The following WDR49 variants were observed in gnomAD, a reference collection of about 807,000 sequenced individuals.
WDR49 encodes cilia- and flagella-associated protein 337.
A neutral mutation model predicts 119.5 loss-of-function variants in WDR49; 107 were observed. The observed-to-expected ratio is 0.90, with a 90% CI of 0.77 to 1.05. The LOEUF (loss-of-function observed/expected upper bound fraction) is 1.05, where lower values mean the gene tolerates loss of function less well. WDR49 is among the 50% of genes least tolerant of loss of function. The probability of loss-of-function intolerance (pLI) is 0.00; values close to 1 mark genes in which losing one functional copy is unlikely to be tolerated. For synonymous variants in WDR49, 425 were observed against 418.8 expected (o/e 1.01, Z -0.18); for missense variants, 1,240 against 1,220.5 (o/e 1.02, Z -0.24).
At chr3:167,487,926 G>A (rs1750987457) in intron 18 of WDR49, among the ~76,000 whole-genome samples, 1 of 152,072 alleles carries the variant, frequency 6.6e-6, no homozygotes, top group Non-Finnish European at 1.5e-5. Context: ...CCATTGGTAG[G>A]AAGGTAAATT....
At chr3:167,568,885 C>T (rs565594642) in intron 8 of WDR49, among the ~76,000 whole-genome samples, 1 of 152,094 alleles carries the variant, frequency 6.6e-6, no homozygotes, top group African/African-American at 2.4e-5. Flanking sequence ...GAGCTCACCA[C>T]AACAGCAACA....
At chr3:167,535,230 T>C (rs1752979587) in intron 11 of WDR49, among the ~76,000 whole-genome samples, 1 of 152,088 alleles carries the variant, frequency 6.6e-6, no homozygotes, top group South Asian at 2.1e-4. Context: ...GAAATAAGGA[T>C]AAAGAAGAGC....
chr3:167,582,417 AC>A (rs962124210), intron 7 of WDR49, among the ~76,000 whole-genome samples: 10 of 152,134 alleles, frequency 6.6e-5, no homozygotes, highest in Admixed American at 3.3e-4. Flanking sequence ...CTAAAATCAA[AC>A]TTAAAATACT....
intron 18 of WDR49, among the ~76,000 whole-genome samples, chr3:167,488,484 G>A (rs1016255298): frequency 6.6e-6 from 1 of 152,028 alleles, no homozygotes; most frequent in Middle Eastern, 3.4e-3. Flanking sequence ...TACCAAACCT[G>A]CACATGTGTT....
intron 7 of WDR49, among the ~76,000 whole-genome samples, chr3:167,579,242 G>A (rs947685249): frequency 6.6e-6 from 1 of 151,992 alleles, no homozygotes; most frequent in African/African-American, 2.4e-5. Context: ...TACAGACATA[G>A]GTAGTGTTCA....
intron 2 of WDR49, among the ~76,000 whole-genome samples, chr3:167,633,004 T>C (rs1559925833): frequency 1.3e-5 from 2 of 152,044 alleles, no homozygotes; most frequent in Non-Finnish European, 2.9e-5. Context: ...TGTCAATGCT[T>C]TGCTGAAGGG....
rs1161763103 is a variant in WDR49 at position 167,554,741 on chromosome 3, C to T, written c.1732G>A (p.Val578Met). ...HTLNVGQDGA[V>M]DISQILILKK... ...AGAATGAGGATTTGTGAAATATCCA[C>T]AGCTCCATCTTGCCCAACATTTAGT... The change falls in exon 10 of 19, where the codon GTG becomes ATG. Residue 578 changes from valine (V) to methionine (M), a missense_variant. Transcript: ENST00000682715. The T allele has an allele frequency of 1.2e-6, 2 of 1,613,634 alleles. No homozygotes were observed. Among genetic ancestry groups the T allele is most frequent in the Admixed American group, 3.3e-5 (2 of 59,988 alleles).
At chr3:167,528,061 A>G in intron 14 of WDR49, 44 bp from the exon 15 acceptor site, 1 of 1,530,220 alleles carries the variant, frequency 6.5e-7, no homozygotes, top group South Asian at 1.2e-5. Context: ...TTCAAATATG[A>G]AATGATTACA....
intron 7 of WDR49, among the ~76,000 whole-genome samples, chr3:167,601,700 T>A (rs1261994668): frequency 3.3e-5 from 5 of 152,224 alleles, no homozygotes; most frequent in Non-Finnish European, 7.3e-5. Context: ...ATGTGCTTGA[T>A]GTTCTTCAGA....
intron 18 of WDR49, among the ~76,000 whole-genome samples, chr3:167,479,757 TA>T (rs1034817650): frequency 9.2e-5 from 14 of 152,152 alleles, no homozygotes; most frequent in African/African-American, 3.4e-4. Flanking sequence ...TATAAACATG[TA>T]AAAGATATTA....
intron 5 of WDR49, among the ~76,000 whole-genome samples, chr3:167,608,011 C>T (rs1389900457): frequency 6.6e-6 from 1 of 152,018 alleles, no homozygotes; most frequent in African/African-American, 2.4e-5. Context: ...GGAAGTAATT[C>T]GTTCCTATAA....
At chr3:167,637,004 C>A (rs1717651739) in intron 2 of WDR49, among the ~76,000 whole-genome samples, 2 of 151,764 alleles carry the variant, frequency 1.3e-5, no homozygotes, top group South Asian at 2.1e-4. Context: ...TTAATTAAGT[C>A]CAGCTATTTA....
intron 10 of WDR49, among the ~76,000 whole-genome samples, chr3:167,551,401 T>G (rs1342557831): frequency 6.6e-6 from 1 of 152,090 alleles, no homozygotes; most frequent in East Asian, 1.9e-4. Context: ...ACATGTTTTT[T>G]TGTGTGTTTC....
intron 7 of WDR49, among the ~76,000 whole-genome samples, chr3:167,588,150 T>A (rs917981207): frequency 1.1e-4 from 17 of 152,222 alleles, no homozygotes; most frequent in African/African-American, 3.9e-4. Flanking sequence ...TCTATCTCCA[T>A]CAGTTCAATT....
intron 18 of WDR49, 77 bp downstream of exon 18, chr3:167,500,076 T>TGACAGCAA: frequency 7.1e-7 from 1 of 1,402,960 alleles, no homozygotes; most frequent in South Asian, 1.7e-5. Context: ...GTTATTTTCA[T>TGACAGCAA]GCTCTTCTAC....
intron 7 of WDR49, among the ~76,000 whole-genome samples, chr3:167,592,808 G>A (rs921269423): frequency 3.3e-5 from 5 of 152,138 alleles, no homozygotes; most frequent in African/African-American, 7.2e-5. Flanking sequence ...TTGTAGGAAG[G>A]TCTGGTATTG....
chr3:167,537,733 A>T (rs935600681), intron 10 of WDR49, among the ~76,000 whole-genome samples: 10 of 152,056 alleles, frequency 6.6e-5, no homozygotes, highest in African/African-American at 2.4e-4. Flanking sequence ...TGGGGCATTA[A>T]TACCACCCTG....
chr3:167,500,411 C>T, intron 17 of WDR49, 112 bp from the exon 18 acceptor site: 1 of 1,302,132 alleles, frequency 7.7e-7, no homozygotes, highest in Non-Finnish European at 1.1e-6. Context: ...TTTAACCTTC[C>T]TGTTACTCAG....
intron 7 of WDR49, among the ~76,000 whole-genome samples, chr3:167,585,877 G>C (rs947088976): frequency 6.6e-6 from 1 of 152,054 alleles, no homozygotes; most frequent in Non-Finnish European, 1.5e-5. Context: ...ATGATCATAA[G>C]GAATATTTAC....
Sources: allele counts gnomAD v4.1 joint callset (sites outside exome capture counted in the v4.1 genomes callset), GRCh38; gene constraint gnomAD v4.1.1; transcripts MANE v1.5; gene names NCBI Gene and HGNC (gene_info 2026-07-23, HGNC 2026-07-21).